Variants in POLR3G observed in about 807,000 individuals in gnomAD.
The protein encoded by POLR3G is RNA polymerase III subunit G, also known as DNA-directed RNA polymerase III subunit RPC7.
A neutral mutation model predicts 30.1 loss-of-function variants in POLR3G; 28 were observed. The ratio of observed to expected loss-of-function variants is 0.93; its 90% CI spans 0.69 to 1.27. POLR3G has a LOEUF of 1.27. POLR3G is among the 50% of genes most tolerant of loss of function. The pLI is 0.00. For synonymous variants in POLR3G, 79 were observed against 82.5 expected (o/e 0.96, Z 0.23); for missense variants, 254 against 264.6 (o/e 0.96, Z 0.28).
Position 90,485,684 on chromosome 5 carries a change from T to C in POLR3G, c.117T>C (p.Pro39=). Residue 39 remains proline (P), a splice_region_variant and synonymous_variant, in exon 2 of 8, where the codon CCT becomes CCC. Coordinates refer to ENST00000651687, the MANE Select transcript of POLR3G (RefSeq NM_006467.3). ...DVVLKPPPLF[P]DTDYKPVPLK... is the part of the protein sequence containing the mutation. ...TGTTGAAACCACCCCCACTATTTCCTGTAAGTATATGAACAGTTGAATTCT... is the reference window on the plus strand; with the variant it reads ...TGTTGAAACCACCCCCACTATTTCCCGTAAGTATATGAACAGTTGAATTCT... The C allele has an allele frequency of 6.3e-7, 1 of 1,597,820 alleles. No individual in the cohort carries two copies. Among genetic ancestry groups the C allele is most frequent in the Non-Finnish European group, 8.6e-7 (1 of 1,166,570 alleles).
chr5:90,505,747 G>A (rs959130452), intron 6 of POLR3G, among the ~76,000 whole-genome samples: 1 of 152,174 alleles, frequency 6.6e-6, no homozygotes, highest in Admixed American at 6.5e-5. Context: ...CAGATAAAAT[G>A]CAACTAGGAT....
intron 3 of POLR3G, among the ~76,000 whole-genome samples, chr5:90,492,089 G>C (rs1425000992): frequency 6.6e-6 from 1 of 152,144 alleles, no homozygotes; most frequent in Non-Finnish European, 1.5e-5. Flanking sequence ...AGACGAATCA[G>C]AAGTCAAATG....
At chr5:90,497,796 C>CA in intron 5 of POLR3G, 90 bp downstream of exon 5, 1 of 1,426,856 alleles carries the variant, frequency 7.0e-7, no homozygotes, top group South Asian at 1.3e-5. Flanking sequence ...AAGTTATACT[C>CA]ACTGTTCTTA....
At chr5:90,479,603 A>T (rs542729097) in intron 1 of POLR3G, among the ~76,000 whole-genome samples, 379 of 148,910 alleles carry the variant, frequency 2.5e-3, no homozygotes, top group African/African-American at 8.9e-3. Flanking sequence ...ATCACCTGAA[A>T]TTTTTTTTTT....
At chr5:90,502,416 A>C (rs1260068896) in intron 6 of POLR3G, 1 of 869,180 alleles carries the variant, frequency 1.2e-6, no homozygotes, top group Admixed American at 6.2e-5. Context: ...TCTTGAGGGA[A>C]AAATGTATTT....
intron 1 of POLR3G, among the ~76,000 whole-genome samples, chr5:90,482,570 A>G (rs778947309): frequency 6.6e-6 from 1 of 152,354 alleles, no homozygotes; most frequent in South Asian, 2.1e-4. Flanking sequence ...AAGATTAGAA[A>G]TTATAGTTTC....
rs767676831 is a variant in POLR3G, at chr5:90,485,600, T to C, written c.33T>C (p.Ala11=). The C allele has an allele frequency of 6.2e-7, 1 of 1,613,866 alleles. No individual in the cohort carries two copies. The highest frequency in any genetic ancestry group is 1.3e-5 in the African/African-American group (1 of 74,924). MAGNKGRGRA[A]YTFNIEAVGF... is the part of the protein sequence containing the mutation. The stretch of plus-strand genomic sequence containing the variant: ...GGAATAAAGGAAGAGGACGTGCTGC[T>C]TATACCTTTAATATTGAGGCTGTTG... Residue 11 remains alanine (A), a synonymous_variant, in exon 2 of 8, where the codon GCT becomes GCC. Transcript: ENST00000651687.
intron 3 of POLR3G, among the ~76,000 whole-genome samples, chr5:90,492,894 T>G (rs1751799179): frequency 6.6e-6 from 1 of 151,510 alleles, no homozygotes; most frequent in Admixed American, 6.6e-5. Context: ...GACATCAAAG[T>G]TTTTTAAAGT....
At chr5:90,493,309 T>A (rs1401955721) in intron 3 of POLR3G, among the ~76,000 whole-genome samples, 3 of 152,120 alleles carry the variant, frequency 2.0e-5, no homozygotes, top group Non-Finnish European at 2.9e-5. Flanking sequence ...TGCAGTGGCA[T>A]AATCTCAGCT....
chr5:90,495,052 C>G (rs1751916684), intron 3 of POLR3G, among the ~76,000 whole-genome samples: 1 of 152,150 alleles, frequency 6.6e-6, no homozygotes, highest in South Asian at 2.1e-4. Context: ...TGAAGTCAAA[C>G]AGTTAAAATA....
chr5:90,488,861 C>A (rs1005102825), intron 3 of POLR3G, among the ~76,000 whole-genome samples: 1 of 152,156 alleles, frequency 6.6e-6, no homozygotes, highest in African/African-American at 2.4e-5. Flanking sequence ...GCTCAACAGT[C>A]TCAGGCTAGA....
rs1752257910 is a variant in POLR3G at position 90,501,839 on chromosome 5, A to G, written c.356-67A>G. The G allele has an allele frequency of 1.0e-5, 16 of 1,578,008 alleles. No homozygotes were observed. The South Asian group carries it at 1.8e-4, about 18-fold the overall frequency. On this transcript the variant is annotated intron_variant, in intron 5 of 7. Transcript: ENST00000651687. ...AGCACGATGCTGGACAGCATACGCA[A>G]AGACAAGGAAATATAATACAGAGTT...
rs1752867715 is a variant in POLR3G, at chr5:90,514,315, A to G, written c.*2176A>G. 6.6e-6 allele frequency: 1 copy of G among 152,204 alleles called. No homozygotes were observed. The allele number at this position is 152,204 out of a possible 1,614,324, so 9.4% of individuals were successfully genotyped here. ...AAGTATTTGTTGAAGTGTCTTTAAA[A>G]TTGCTATCATGAGCAAAACTGGTTG... On this transcript the variant is annotated 3_prime_UTR_variant, in exon 8 of 8. Transcript: ENST00000651687.
intron 1 of POLR3G, among the ~76,000 whole-genome samples, chr5:90,480,018 A>G (rs1751043171): frequency 1.3e-5 from 2 of 152,208 alleles, no homozygotes; most frequent in Admixed American, 6.5e-5. Flanking sequence ...TGGTAGAGAA[A>G]TTGCAAAGAA....
chr5:90,477,563 A>T (rs1700326066), intron 1 of POLR3G, among the ~76,000 whole-genome samples: 2 of 152,162 alleles, frequency 1.3e-5, no homozygotes, highest in African/African-American at 4.8e-5. Context: ...GACAGGTCAG[A>T]ATACCTATCC....
intron 1 of POLR3G, among the ~76,000 whole-genome samples, chr5:90,483,669 C>T (rs115907424): frequency 0.019 from 2,853 of 151,834 alleles, 40 homozygotes; most frequent in Middle Eastern, 0.054. Context: ...CATGGTGGTG[C>T]GCGCCTATAA....
intron 1 of POLR3G, among the ~76,000 whole-genome samples, chr5:90,476,238 C>G (rs962682113): frequency 6.6e-6 from 1 of 152,190 alleles, no homozygotes; most frequent in Non-Finnish European, 1.5e-5. Context: ...CTTTGCTAAT[C>G]TTCACAGAGA....
At chr5:90,480,195 C>A (rs758873957) in intron 1 of POLR3G, among the ~76,000 whole-genome samples, 10 of 152,126 alleles carry the variant, frequency 6.6e-5, no homozygotes, top group Non-Finnish European at 1.3e-4. Context: ...CTCCTTTATT[C>A]TAGAGTTTGG....
At chr5:90,506,700 C>A in intron 7 of POLR3G, 26 bp downstream of exon 7, 1 of 1,575,416 alleles carries the variant, frequency 6.3e-7, no homozygotes, top group South Asian at 1.2e-5. Context: ...GGGATGGTAG[C>A]AAAATTAATA....
Sources: gnomAD v4.1 joint callset for allele counts (sites outside exome capture counted in the v4.1 genomes callset) on GRCh38, gnomAD v4.1.1 for gene constraint, MANE v1.5 for transcripts, NCBI Gene and HGNC (gene_info 2026-07-23, HGNC 2026-07-21) for gene names.